TSPAN9: variants seen among roughly 807,000 people sequenced by gnomAD.
TSPAN9 encodes tetraspanin 9.
In TSPAN9, 16 loss-of-function variants were observed where a neutral mutation model predicts 31.0. The observed-to-expected ratio is 0.52, with a 90% CI of 0.35 to 0.78. The LOEUF is 0.78. Among genes scored for constraint, TSPAN9 ranks in the 30% least tolerant of loss-of-function variants. The probability of loss-of-function intolerance (pLI) is 0.01; values close to 1 mark genes in which losing one functional copy is unlikely to be tolerated. For synonymous variants in TSPAN9, 145 were observed against 121.6 expected (o/e 1.19, Z -1.27); for missense variants, 272 against 312.5 (o/e 0.87, Z 0.98).
At chr12:3,092,751 A>G (rs1325268540) in intron 2 of TSPAN9, among the ~76,000 whole-genome samples, 3 of 152,232 alleles carry the variant, frequency 2.0e-5, no homozygotes, top group Non-Finnish European at 4.4e-5. Context: ...CCCCGTAAGG[A>G]CAAGGATGGT....
At chr12:3,221,994 T>C (rs551545259) in intron 3 of TSPAN9, among the ~76,000 whole-genome samples, 3 of 152,318 alleles carry the variant, frequency 2.0e-5, no homozygotes, top group East Asian at 3.9e-4. Flanking sequence ...TTCCTTTCGA[T>C]GTTGTAAACC....
At chr12:3,219,082 AGGTGGCCCTTCCCACCCGTGGGC>A (rs1311831838) in intron 3 of TSPAN9, among the ~76,000 whole-genome samples, 1 of 152,210 alleles carries the variant, frequency 6.6e-6, no homozygotes, top group African/African-American at 2.4e-5. Flanking sequence ...AAGGGCTTAC[AGGTGGCCCTTCCCACCCGTGGGC>A]GGCCGGGGGA....
At chr12:3,209,051 A>G (rs2098376859) in intron 3 of TSPAN9, among the ~76,000 whole-genome samples, 1 of 152,126 alleles carries the variant, frequency 6.6e-6, no homozygotes, top group Non-Finnish European at 1.5e-5. Context: ...CCTGGCCAAC[A>G]TAGTGAAACC....
At chr12:3,120,635 C>G (rs1014219485) in intron 2 of TSPAN9, among the ~76,000 whole-genome samples, 1 of 152,230 alleles carries the variant, frequency 6.6e-6, no homozygotes, top group Non-Finnish European at 1.5e-5. Context: ...TTCCTTTCCA[C>G]TAGCCCAGGT....
chr12:3,109,626 G>A (rs574379771), intron 2 of TSPAN9, among the ~76,000 whole-genome samples: 6 of 151,386 alleles, frequency 4.0e-5, no homozygotes, highest in African/African-American at 1.2e-4. Context: ...AGTGAAACCC[G>A]TCTCTACTAA....
intron 3 of TSPAN9, among the ~76,000 whole-genome samples, chr12:3,240,242 G>T (rs1447038769): frequency 4.6e-5 from 7 of 152,130 alleles, no homozygotes; most frequent in Non-Finnish European, 1.0e-4. Context: ...CCAGCTCCTT[G>T]AGGGGTGCGT....
intron 2 of TSPAN9, among the ~76,000 whole-genome samples, chr12:3,164,925 G>A (rs2098347490): frequency 6.6e-6 from 1 of 152,176 alleles, no homozygotes; most frequent in African/African-American, 2.4e-5. Flanking sequence ...ATAATCCCTG[G>A]ACATTTCAGA....
At chr12:3,203,242 C>T (rs1403464638) in intron 3 of TSPAN9, among the ~76,000 whole-genome samples, 2 of 152,128 alleles carry the variant, frequency 1.3e-5, no homozygotes, top group Non-Finnish European at 2.9e-5. Context: ...GTGACCTCCT[C>T]ACTGGCTAGT....
At chr12:3,118,680 T>TA (rs58060605) in intron 2 of TSPAN9, among the ~76,000 whole-genome samples, 3,373 of 152,152 alleles carry the variant, frequency 0.022, 105 homozygotes, top group African/African-American at 0.077. Flanking sequence ...TTGGCCTCCT[T>TA]GGCACTCCCT....
intron 3 of TSPAN9, among the ~76,000 whole-genome samples, chr12:3,232,635 G>A (rs1484830022): frequency 2.6e-5 from 4 of 152,244 alleles, no homozygotes; most frequent in Non-Finnish European, 1.5e-5. Context: ...TAGCGACTGA[G>A]TTTGTTGGTC....
chr12:3,092,134 G>C (rs889638035), intron 2 of TSPAN9, among the ~76,000 whole-genome samples: 1 of 152,200 alleles, frequency 6.6e-6, no homozygotes, highest in African/African-American at 2.4e-5. Context: ...GAGCTCCTCA[G>C]CCTGCTCCAA....
In TSPAN9 at chr12:3,147,189, C is replaced by T. The variant is rs1481492603; in HGVS notation, c.-17-53988C>T. Among the ~76,000 whole-genome samples, 1 of 152,118 alleles carries T rather than the reference C, an allele frequency of 6.6e-6. No homozygotes were observed. Among genetic ancestry groups the T allele is most frequent in the Admixed American group, 6.5e-5 (1 of 15,286 alleles). ...GAAGCAGGGGAGCCCTGGCCCTCTG[C>T]AGGTCACGCTCCAGCCTGGAACCCA... On this transcript the variant is annotated intron_variant, in intron 2 of 8. Transcript: ENST00000011898. The surrounding 1 kb of genome is among the most constrained non-coding windows in gnomAD (Gnocchi z 4.3).
chr12:3,103,575 C>T (rs1336745513), intron 2 of TSPAN9, among the ~76,000 whole-genome samples: 1 of 152,170 alleles, frequency 6.6e-6, no homozygotes, highest in African/African-American at 2.4e-5. Flanking sequence ...ATTTTGGGGT[C>T]TTTGTCTCTG....
intron 2 of TSPAN9, among the ~76,000 whole-genome samples, chr12:3,123,237 G>A (rs769048953): frequency 4.6e-5 from 7 of 152,222 alleles, no homozygotes; most frequent in Admixed American, 6.5e-5. Context: ...CAAGCTGCTA[G>A]TTGGGAGGAA....
chr12:3,228,639 G>A (rs996712810), intron 3 of TSPAN9, among the ~76,000 whole-genome samples: 7 of 152,360 alleles, frequency 4.6e-5, no homozygotes, highest in African/African-American at 1.4e-4. Context: ...GCAGAGCAGC[G>A]CCCCGTTCTC....
intron 2 of TSPAN9, among the ~76,000 whole-genome samples, chr12:3,108,636 C>T (rs897293578): frequency 2.0e-5 from 3 of 152,148 alleles, no homozygotes; most frequent in Non-Finnish European, 4.4e-5. Flanking sequence ...CTGATGGTCT[C>T]CTTCCCCCGT....
chr12:3,152,772 GA>G (rs1235338361), intron 2 of TSPAN9, among the ~76,000 whole-genome samples: 1 of 152,146 alleles, frequency 6.6e-6, no homozygotes, highest in Admixed American at 6.5e-5. Flanking sequence ...TTTTTAAATA[GA>G]GATGGGGTTT....
rs554214116 is a variant in TSPAN9 at position 3,078,285 on chromosome 12, C to A, written c.-85+832C>A. On this transcript the variant is annotated intron_variant, in intron 1 of 8. Coordinates refer to ENST00000011898, the MANE Select transcript of TSPAN9 (RefSeq NM_006675.5). ...CCTGGTAACTCTTAGTTCAGAGACC[C>A]AGTCTCTCATTATGTGCGCGTGCCC... Among the ~76,000 whole-genome samples the A allele has an allele frequency of 3.3e-5, 5 of 152,234 alleles. No individual in the cohort carries two copies. The East Asian group carries it at 9.7e-4, about 29-fold the overall frequency.
intron 2 of TSPAN9, among the ~76,000 whole-genome samples, chr12:3,176,135 G>A (rs750344396): frequency 2.8e-4 from 42 of 152,336 alleles, no homozygotes; most frequent in East Asian, 1.2e-3. Flanking sequence ...CCCCTGCTGT[G>A]AGCCAGGGAC....
Sources: allele counts gnomAD v4.1 joint callset (sites outside exome capture counted in the v4.1 genomes callset), GRCh38; gene constraint gnomAD v4.1.1; non-coding constraint Gnocchi (gnomAD v3.1); transcripts MANE v1.5; gene names NCBI Gene and HGNC (gene_info 2026-07-23, HGNC 2026-07-21).